TDP1: variants seen among roughly 807,000 people sequenced by gnomAD.
TDP1 encodes the protein tyrosyl-DNA phosphodiesterase 1.
A neutral mutation model predicts 81.5 loss-of-function variants in TDP1; 64 were observed. The observed-to-expected ratio is 0.79, with a 90% CI of 0.64 to 0.97. The LOEUF (loss-of-function observed/expected upper bound fraction) is 0.97. Ranked by LOEUF, TDP1 falls within the 50% of genes least tolerant of loss-of-function variation. The pLI, the probability that TDP1 is intolerant of heterozygous loss-of-function variation, is 0.00. For synonymous variants in TDP1, 256 were observed against 264.3 expected, an observed-to-expected ratio of 0.97 and a Z score of 0.30; for missense variants, 723 against 743.8, an observed-to-expected ratio of 0.97 and a Z score of 0.33.
intron 5 of TDP1, among the ~76,000 whole-genome samples, chr14:89,969,199 G>A (rs2139992267): frequency 6.6e-6 from 1 of 152,250 alleles, no homozygotes; most frequent in East Asian, 1.9e-4. Context: ...CCAGTTTGTG[G>A]TGCTTTGTTT....
At chr14:89,988,849 G>A in intron 10 of TDP1, 56 bp from the exon 11 acceptor site, 1 of 1,610,826 alleles carries the variant, frequency 6.2e-7, no homozygotes, top group Non-Finnish European at 8.5e-7. Flanking sequence ...AAATATTGCA[G>A]CATTTCTGTT....
chr14:89,979,272 G>T (rs1202619040), intron 7 of TDP1, among the ~76,000 whole-genome samples: 1 of 151,980 alleles, frequency 6.6e-6, no homozygotes, highest in Non-Finnish European at 1.5e-5. Context: ...TACCAAAGGA[G>T]TAATAGGAAT....
In TDP1 at chr14:89,993,200, C is replaced by T. The variant is rs35418617; in HGVS notation, c.1434-176C>T. 1.4e-3 allele frequency: 1,344 copies of T among 956,618 alleles called. 11 individuals carry two copies. The African/African-American group carries it at 0.022, about 16-fold the overall frequency. 59.3% of individuals were successfully genotyped at this position (956,618 alleles called of 1,614,324 possible). On this transcript the variant is annotated intron_variant, in intron 13 of 16. Coordinates refer to ENST00000335725, the MANE Select transcript of TDP1 (RefSeq NM_018319.4). ...TGTGAAAAGTGGGAAGTTTATAATT[C>T]TAAAATGGGCATGCGTTACTTGAAT... is the stretch of plus-strand genomic sequence containing the variant.
At chr14:90,004,438 T>C (rs1484337549) in intron 14 of TDP1, among the ~76,000 whole-genome samples, 1 of 152,210 alleles carries the variant, frequency 6.6e-6, no homozygotes, top group East Asian at 1.9e-4. Flanking sequence ...CAAGCGCTTT[T>C]TTATACTAGC....
Position 90,028,083 on chromosome 14 carries a change from A to G in TDP1, c.1645-5023A>G, listed in dbSNP as rs187360499. ...ACAGCCCTTTGCTTATCAAAAACCC[A>G]TCCTTCAAAATCCTGTTAGGTTTAC... On this transcript the variant is annotated intron_variant, in intron 15 of 16. Transcript: ENST00000335725. Among the ~76,000 whole-genome samples, 227 of 152,250 alleles carry G rather than the reference A, an allele frequency of 1.5e-3. 1 individual carries two copies. The highest frequency in any genetic ancestry group is 5.2e-3 in the African/African-American group (214 of 41,526).
chr14:90,021,222 C>A (rs1345409235), intron 15 of TDP1, among the ~76,000 whole-genome samples: 6 of 152,152 alleles, frequency 3.9e-5, no homozygotes, highest in Admixed American at 2.6e-4. Context: ...TCTATCCATT[C>A]TTTCTCTTTC....
chr14:90,007,877 G>A (rs564701631), intron 14 of TDP1, among the ~76,000 whole-genome samples: 10 of 152,144 alleles, frequency 6.6e-5, no homozygotes, highest in East Asian at 3.9e-4. Flanking sequence ...GATTACAGGC[G>A]TGAACCACCA....
intron 15 of TDP1, 99 bp from the exon 16 acceptor site, chr14:90,033,007 G>A: frequency 8.6e-7 from 1 of 1,167,444 alleles, no homozygotes; most frequent in Non-Finnish European, 1.2e-6. Flanking sequence ...ATTTTATTTA[G>A]GTACCATAAA....
chr14:90,004,873 G>A (rs180671752), intron 14 of TDP1, among the ~76,000 whole-genome samples: 88 of 152,304 alleles, frequency 5.8e-4, no homozygotes, highest in Non-Finnish European at 7.4e-5. Context: ...TTCTGGAGCT[G>A]ATCAACAGCC....
intron 14 of TDP1, among the ~76,000 whole-genome samples, chr14:90,015,210 C>T (rs988037528): frequency 6.6e-6 from 1 of 152,184 alleles, no homozygotes; most frequent in Non-Finnish European, 1.5e-5. Flanking sequence ...ACATAAACTG[C>T]TCCTGATTCA....
At chr14:89,992,370 G>A (rs1420832012) in intron 13 of TDP1, among the ~76,000 whole-genome samples, 2 of 152,180 alleles carry the variant, frequency 1.3e-5, no homozygotes, top group African/African-American at 4.8e-5. Flanking sequence ...ATTCTTTGCT[G>A]CCGTTTCCTG....
chr14:90,030,172 G>A (rs1887118732), intron 15 of TDP1, among the ~76,000 whole-genome samples: 1 of 152,186 alleles, frequency 6.6e-6, no homozygotes, highest in African/African-American at 2.4e-5. Flanking sequence ...AAACCTGGGG[G>A]CAGGTGCTGC....
chr14:90,028,263 C>T (rs1021005613), intron 15 of TDP1, among the ~76,000 whole-genome samples: 4 of 152,224 alleles, frequency 2.6e-5, no homozygotes, highest in African/African-American at 9.6e-5. Context: ...CTGGGAAGTT[C>T]AGCTGCTATC....
chr14:89,962,875 A>G lies in TDP1; in HGVS notation c.-7-233A>G, dbSNP rs76837020. 27 of 928,114 alleles carry G rather than the reference A, an allele frequency of 2.9e-5. No individual in the cohort carries two copies. In the South Asian group the frequency reaches 3.0e-4, roughly 10 times the overall value. 57.5% of individuals were successfully genotyped at this position (928,114 alleles called of 1,614,324 possible). A position where few individuals can be genotyped will look rare whatever the true frequency, so the allele number is the denominator to read the frequency against. The stretch of plus-strand genomic sequence containing the variant: ...GGTGACAGAGCGAGACCCTGTTTCA[A>G]AAAAAAAAAGGAAGAAAAAAGAAAG... On this transcript the variant is annotated intron_variant, in intron 2 of 16. Transcript: ENST00000335725.
chr14:90,034,972 A>G (rs1887673463), intron 16 of TDP1, among the ~76,000 whole-genome samples: 1 of 152,126 alleles, frequency 6.6e-6, no homozygotes, highest in African/African-American at 2.4e-5. Context: ...TGGTGAACCA[A>G]GCCTCCTCTG....
At chr14:90,011,872 A>T (rs1454600653) in intron 14 of TDP1, among the ~76,000 whole-genome samples, 2 of 152,260 alleles carry the variant, frequency 1.3e-5, no homozygotes, top group East Asian at 3.8e-4. Flanking sequence ...AGAAAAACCC[A>T]TGTTCTGAGG....
intron 7 of TDP1, among the ~76,000 whole-genome samples, chr14:89,977,671 T>C (rs1894513685): frequency 6.6e-6 from 1 of 152,260 alleles, no homozygotes; most frequent in Admixed American, 6.5e-5. Context: ...AGAGTTTTTA[T>C]TCTTACAGCT....
chr14:90,025,302 C>G (rs1886523706), intron 15 of TDP1, among the ~76,000 whole-genome samples: 4 of 152,174 alleles, frequency 2.6e-5, no homozygotes, highest in Admixed American at 2.6e-4. Context: ...GGTGGAGAAC[C>G]AGCATTTCCC....
At chr14:89,999,272 GAGA>G (rs1340927121) in intron 14 of TDP1, among the ~76,000 whole-genome samples, 1 of 152,044 alleles carries the variant, frequency 6.6e-6, no homozygotes, top group African/African-American at 2.4e-5. Context: ...CATCATCCTT[GAGA>G]ATAAATTCGT....
Sources: allele counts gnomAD v4.1 joint callset (sites outside exome capture counted in the v4.1 genomes callset), GRCh38; gene constraint gnomAD v4.1.1; transcripts MANE v1.5; gene names NCBI Gene and HGNC (gene_info 2026-07-23, HGNC 2026-07-21).